The following TICRR variants were observed in gnomAD, a reference collection of about 807,000 sequenced individuals.
TICRR encodes the protein TOPBP1 interacting checkpoint and replication regulator.
In TICRR, 132 loss-of-function variants were observed where a neutral mutation model predicts 178.1. The ratio of observed to expected loss-of-function variants is 0.74; its 90% confidence interval spans 0.64 to 0.86. TICRR has a LOEUF of 0.86. Among genes scored for constraint, TICRR ranks in the 40% least tolerant of loss-of-function variants. The probability of loss-of-function intolerance (pLI) is 0.00; values close to 1 mark genes in which losing one functional copy is unlikely to be tolerated. For missense variants in TICRR, 2,587 were observed against 2,334.3 expected, an observed-to-expected ratio of 1.11 and a Z score of -2.23; for synonymous variants, 991 against 900.7, an observed-to-expected ratio of 1.10 and a Z score of -1.79.
intron 4 of TICRR, among the ~76,000 whole-genome samples, chr15:89,587,724 T>C (rs771525677): frequency 1.3e-5 from 2 of 151,816 alleles, no homozygotes; most frequent in Non-Finnish European, 2.9e-5. Flanking sequence ...GTGATACTAG[T>C]TTTGGTGGAA....
At position 89,624,567 on chromosome 15, in the gene TICRR, C is replaced by G. The variant is rs1167644280; in HGVS notation, c.4257C>G (p.Asp1419Glu). The G allele has an allele frequency of 1.9e-6, 3 of 1,613,844 alleles. No individual in the cohort carries two copies. The African/African-American group carries it at 4.0e-5, about 22-fold the overall frequency. ...GTADSPAAPT[D>E]SRDDQKGLSL... ...CTGACAGCCCAGCTGCCCCCACAGACTCTAGAGATGACCAGAAGGGACTGA... is the reference window on the plus strand; with the variant it reads ...CTGACAGCCCAGCTGCCCCCACAGAGTCTAGAGATGACCAGAAGGGACTGA... The change falls in exon 20 of 22, where the codon GAC becomes GAG. Residue 1419 changes from aspartate (D) to glutamate (E), a missense_variant. Asp to Glu is a conservative substitution (Grantham distance 45, BLOSUM62 2). Coordinates refer to ENST00000268138, the MANE Select transcript of TICRR (RefSeq NM_152259.4).
At chr15:89,621,071 G>A (rs1963417123) in intron 18 of TICRR, among the ~76,000 whole-genome samples, 1 of 151,090 alleles carries the variant, frequency 6.6e-6, no homozygotes, top group Non-Finnish European at 1.5e-5. Context: ...CCAGGCTGGA[G>A]TGCAATGGTG....
At chr15:89,602,334 G>A (rs1397263997) in intron 12 of TICRR, among the ~76,000 whole-genome samples, 2 of 152,090 alleles carry the variant, frequency 1.3e-5, no homozygotes, top group Non-Finnish European at 2.9e-5. Flanking sequence ...TTCCAGCATT[G>A]TTACTGAATA....
In TICRR at chr15:89,624,771, G is replaced by C. The variant is rs1287213451; in HGVS notation, c.4461G>C (p.Glu1487Asp). ...DLKSNVLSVEEGEGLRTADAE... is the reference protein window; with the variant it reads ...DLKSNVLSVEDGEGLRTADAE... ...AAAGTAACGTCTTATCAGTGGAAGA[G>C]GGTGAGGGGCTAAGGACAGCAGATG... The change falls in exon 20 of 22, where the codon GAG becomes GAC. Residue 1487 changes from glutamate to aspartate, a missense_variant. Physicochemically the swap from Glu to Asp is conservative, Grantham distance 45. Transcript: ENST00000268138. 2 of 1,614,096 alleles carry C rather than the reference G, an allele frequency of 1.2e-6. No homozygotes were observed. The highest frequency in any genetic ancestry group is 3.3e-5 in the Admixed American group (2 of 60,000).
At chr15:89,603,111 A>G (rs2141966737) in intron 13 of TICRR, among the ~76,000 whole-genome samples, 1 of 152,318 alleles carries the variant, frequency 6.6e-6, no homozygotes, top group Non-Finnish European at 1.5e-5. Context: ...GTGAAGAAAA[A>G]TGGCAAGTAA....
chr15:89,587,185 A>C (rs899963107), intron 4 of TICRR, among the ~76,000 whole-genome samples: 2 of 152,154 alleles, frequency 1.3e-5, no homozygotes, highest in Non-Finnish European at 2.9e-5. Context: ...TTTTGCCCTA[A>C]GCTACTGGTA....
chr15:89,600,258 G>A (rs879882637), intron 8 of TICRR, among the ~76,000 whole-genome samples: 2 of 152,164 alleles, frequency 1.3e-5, no homozygotes, highest in Admixed American at 1.3e-4. Context: ...TTCATGTTCA[G>A]TGGCCATCAC....
chr15:89,620,271 C>T lies in TICRR; in HGVS notation c.3154+429C>T, dbSNP rs540296957. ...TCACCCAGGCTGGAGTGCAGTGGCA[C>T]GAACACAGCTCACTGTAGCCTCAAC... On this transcript the variant is annotated intron_variant, in intron 18 of 21. Coordinates refer to ENST00000268138, the MANE Select transcript of TICRR (RefSeq NM_152259.4). Among the ~76,000 whole-genome samples the T allele has an allele frequency of 7.2e-5, 11 of 152,186 alleles. No individual in the cohort carries two copies. In the East Asian group the frequency reaches 1.5e-3, roughly 21 times the overall value.
At chr15:89,598,164 G>C (rs1963030948) in intron 7 of TICRR, among the ~76,000 whole-genome samples, 1 of 151,770 alleles carries the variant, frequency 6.6e-6, no homozygotes, top group Admixed American at 6.6e-5. Flanking sequence ...TAGTAGAGAT[G>C]GGGTTTCACC....
intron 13 of TICRR, among the ~76,000 whole-genome samples, chr15:89,605,504 C>T (rs566801687): frequency 3.9e-5 from 6 of 152,128 alleles, no homozygotes; most frequent in East Asian, 3.9e-4. Context: ...GAGTAGCTGG[C>T]GTGCACCACC....
chr15:89,598,221 C>T (rs1032766512), intron 7 of TICRR, among the ~76,000 whole-genome samples: 1 of 152,136 alleles, frequency 6.6e-6, no homozygotes, highest in Admixed American at 6.5e-5. Flanking sequence ...GATCTGCCCA[C>T]CTCAGCCTCC....
intron 18 of TICRR, among the ~76,000 whole-genome samples, 192 bp from the exon 19 acceptor site, chr15:89,621,201 A>G (rs534505176): frequency 3.3e-5 from 5 of 151,322 alleles, no homozygotes; most frequent in African/African-American, 1.2e-4. Flanking sequence ...TTGTATTTTC[A>G]GTAGAGATGG....
At chr15:89,621,982 C>CTTTTTTT (rs34123859) in intron 19 of TICRR, among the ~76,000 whole-genome samples, 13 of 87,740 alleles carry the variant, frequency 1.5e-4, no homozygotes, top group Admixed American at 2.7e-4. Flanking sequence ...CAAACTGACT[C>CTTTTTTT]TTTTTTTTTT....
chr15:89,622,488 G>C (rs1157609490), intron 19 of TICRR, among the ~76,000 whole-genome samples: 1 of 152,138 alleles, frequency 6.6e-6, no homozygotes, highest in African/African-American at 2.4e-5. Context: ...CTCCCCGTCC[G>C]CTAAAGCAAG....
At chr15:89,599,139 C>G (rs547904189) in intron 7 of TICRR, among the ~76,000 whole-genome samples, 185 bp from the exon 8 acceptor site, 1 of 151,842 alleles carries the variant, frequency 6.6e-6, no homozygotes, top group East Asian at 1.9e-4. Flanking sequence ...AACAGCATCC[C>G]TGGCTCCTAC....
Position 89,626,002 on chromosome 15 carries a change from C to T in TICRR, c.5543C>T (p.Thr1848Ile), listed in dbSNP as rs144405496. 11 of 1,611,840 alleles carry T rather than the reference C, an allele frequency of 6.8e-6. No homozygotes were observed. In the South Asian group the frequency reaches 1.2e-4, roughly 18 times the overall value. The change falls in exon 21 of 22, where the codon ACC becomes ATC. Residue 1848 changes from threonine to isoleucine, a missense_variant. By Grantham distance (89) the Thr-to-Ile change is moderately conservative. Transcript: ENST00000268138. ...TCTGCCAGTGCCCTCCAGGCTCTGA[C>T]CCAGTCTCCGCTGCTGTTCCAGGGG... Reference protein sequence around the residue: ...CLSASALQALTQSPLLFQGKT... With the variant: ...CLSASALQALIQSPLLFQGKT...
chr15:89,621,176 C>T (rs1015456349), intron 18 of TICRR, among the ~76,000 whole-genome samples: 2 of 152,112 alleles, frequency 1.3e-5, no homozygotes, highest in African/African-American at 2.4e-5. Context: ...CCTGCCACCA[C>T]GCCCAGCTAA....
chr15:89,623,182 C>CA (rs1476893281), intron 19 of TICRR, among the ~76,000 whole-genome samples: 2 of 152,186 alleles, frequency 1.3e-5, no homozygotes, highest in Admixed American at 6.5e-5. Context: ...CCCCAACACA[C>CA]AGTGCCTGGC....
Position 89,595,557 on chromosome 15 carries a change from A to G in TICRR, c.1846A>G (p.Thr616Ala). The G allele has an allele frequency of 1.2e-6, 2 of 1,614,228 alleles. No homozygotes were observed. The highest frequency in any genetic ancestry group is 8.5e-7 in the Non-Finnish European group (1 of 1,180,038). Residue 616 changes from threonine to alanine, a missense_variant, in exon 7 of 22, where the codon ACA becomes GCA. Coordinates refer to ENST00000268138, the MANE Select transcript of TICRR (RefSeq NM_152259.4). ...AATCCAAAAGATACCTAGTGGGAGA[A>G]CAGTGGATAAATTGGAAGACAGAGG... ...KGIQKIPSGR[T>A]VDKLEDRGRT... is the part of the protein sequence containing the mutation.
Sources: allele counts gnomAD v4.1 joint callset (sites outside exome capture counted in the v4.1 genomes callset), GRCh38; gene constraint gnomAD v4.1.1; transcripts MANE v1.5; gene names NCBI Gene and HGNC (gene_info 2026-07-23, HGNC 2026-07-21).